Variants in CNTN4 observed in about 807,000 individuals in gnomAD.
CNTN4 encodes the protein contactin 4, also known as contactin-4.
Under a neutral mutation model 122.5 loss-of-function variants are expected in CNTN4, and 77 were observed. The ratio of observed to expected loss-of-function variants is 0.63; its 90% confidence interval spans 0.52 to 0.76. CNTN4 has a LOEUF of 0.76. Ranked by LOEUF, CNTN4 falls within the 30% of genes least tolerant of loss-of-function variation. CNTN4 has a pLI of 0.00. For synonymous variants in CNTN4, 512 were observed against 447.0 expected, an observed-to-expected ratio of 1.15 and a Z score of -1.83; for missense variants, 1,256 against 1,259.1, an observed-to-expected ratio of 1.00 and a Z score of 0.04.
chr3:2,537,988 A>G (rs928269680), intron 3 of CNTN4, among the ~76,000 whole-genome samples: 2 of 151,884 alleles, frequency 1.3e-5, no homozygotes, highest in African/African-American at 4.8e-5. Flanking sequence ...TTTTGAAGGC[A>G]TAACCCCCCT....
intron 8 of CNTN4, among the ~76,000 whole-genome samples, chr3:2,874,496 T>C (rs1033005374): frequency 1.3e-5 from 2 of 152,198 alleles, no homozygotes; most frequent in Non-Finnish European, 2.9e-5. Context: ...CGAATACTCA[T>C]TGAGTATCTG....
At chr3:2,700,815 A>G (rs1284637512) in intron 4 of CNTN4, among the ~76,000 whole-genome samples, 1 of 152,236 alleles carries the variant, frequency 6.6e-6, no homozygotes, top group Non-Finnish European at 1.5e-5. Context: ...TTTAGCAAAC[A>G]GTTTCTATCA....
At chr3:2,963,190 A>G (rs888923505) in intron 13 of CNTN4, among the ~76,000 whole-genome samples, 9 of 151,984 alleles carry the variant, frequency 5.9e-5, no homozygotes, top group Non-Finnish European at 1.3e-4. Flanking sequence ...TCATTATCAT[A>G]TCTCTTCCTG....
At chr3:2,727,120 T>C (rs1299930421) in intron 4 of CNTN4, among the ~76,000 whole-genome samples, 1 of 152,206 alleles carries the variant, frequency 6.6e-6, no homozygotes. Context: ...AATATTGGAA[T>C]TGGAATCCAA....
intron 3 of CNTN4, among the ~76,000 whole-genome samples, chr3:2,339,554 C>A (rs921531706): frequency 6.6e-6 from 1 of 152,070 alleles, no homozygotes; most frequent in Non-Finnish European, 1.5e-5. Context: ...AGTTGTTGTA[C>A]TTTTGCCAAA....
intron 5 of CNTN4, among the ~76,000 whole-genome samples, chr3:2,741,631 T>C (rs993187053): frequency 1.3e-5 from 2 of 152,158 alleles, no homozygotes; most frequent in African/African-American, 4.8e-5. Context: ...AAATACTTTG[T>C]GTAGTAAAGA....
At chr3:2,733,416 AAT>A (rs1485271625) in intron 4 of CNTN4, among the ~76,000 whole-genome samples, 5 of 152,194 alleles carry the variant, frequency 3.3e-5, no homozygotes, top group African/African-American at 1.2e-4. Context: ...CCAGTACTTA[AAT>A]ATGTTTTGAA....
At chr3:2,991,960 G>T (rs1577534896) in intron 14 of CNTN4, among the ~76,000 whole-genome samples, 1 of 152,156 alleles carries the variant, frequency 6.6e-6, no homozygotes, top group African/African-American at 2.4e-5. Flanking sequence ...AAGGTCGGGC[G>T]TCAGAACATA....
chr3:2,747,576 GAC>G (rs1244080805), intron 6 of CNTN4, among the ~76,000 whole-genome samples: 1 of 150,954 alleles, frequency 6.6e-6, no homozygotes, highest in Non-Finnish European at 1.5e-5. Context: ...CATATTCAAG[GAC>G]AGTCATTTAC....
chr3:2,428,168 G>C (rs1260822200), intron 3 of CNTN4, among the ~76,000 whole-genome samples: 2 of 152,146 alleles, frequency 1.3e-5, no homozygotes, highest in Non-Finnish European at 2.9e-5. Flanking sequence ...TCCTAGCCTC[G>C]ATGGTCTTTA....
At chr3:2,335,789 CAT>C (rs1418275479) in intron 2 of CNTN4, among the ~76,000 whole-genome samples, 1 of 152,090 alleles carries the variant, frequency 6.6e-6, no homozygotes, top group African/African-American at 2.4e-5. Context: ...AACTTCTCAA[CAT>C]CAACTGAGGT....
chr3:2,717,997 T>A (rs996492610), intron 4 of CNTN4, among the ~76,000 whole-genome samples: 1 of 152,178 alleles, frequency 6.6e-6, no homozygotes, highest in Non-Finnish European at 1.5e-5. Context: ...CCTTTACCTA[T>A]TTTTTAAATT....
chr3:2,483,200 C>A (rs1213954413), intron 3 of CNTN4, among the ~76,000 whole-genome samples: 1 of 152,162 alleles, frequency 6.6e-6, no homozygotes, highest in Non-Finnish European at 1.5e-5. Flanking sequence ...TAAAGGAGAT[C>A]ATTTTGGAGC....
chr3:2,577,339 AATAG>A (rs1182954263), intron 4 of CNTN4, among the ~76,000 whole-genome samples: 1 of 152,184 alleles, frequency 6.6e-6, no homozygotes, highest in Non-Finnish European at 1.5e-5. Context: ...TGTATGTATT[AATAG>A]ATCTATATAT....
intron 13 of CNTN4, among the ~76,000 whole-genome samples, chr3:2,955,039 C>T (rs2094784623): frequency 6.6e-6 from 1 of 152,104 alleles, no homozygotes; most frequent in South Asian, 2.1e-4. Flanking sequence ...GGTTATCTGG[C>T]AGCGCAACCT....
At chr3:2,721,129 A>G (rs979066677) in intron 4 of CNTN4, among the ~76,000 whole-genome samples, 1 of 151,890 alleles carries the variant, frequency 6.6e-6, no homozygotes, top group Admixed American at 6.6e-5. Context: ...GTGCCACCAC[A>G]CCTGGCTAAT....
intron 14 of CNTN4, among the ~76,000 whole-genome samples, chr3:3,018,184 T>C (rs1383992334): frequency 2.0e-5 from 3 of 152,248 alleles, no homozygotes; most frequent in African/African-American, 4.8e-5. Context: ...TTTTAAGTAA[T>C]GTCTTGCTCC....
chr3:2,825,146 C>T (rs2150318361), intron 7 of CNTN4, among the ~76,000 whole-genome samples: 1 of 152,088 alleles, frequency 6.6e-6, no homozygotes, highest in Admixed American at 6.5e-5. Context: ...TTTGTGAGGC[C>T]AAGGTAGGAG....
rs776318854 is a variant in CNTN4, at chr3:3,042,992, C to T, written c.2527C>T (p.His843Tyr). 6.2e-7 allele frequency: 1 copy of T among 1,613,638 alleles called. No individual in the cohort carries two copies. The highest frequency in any genetic ancestry group is 8.5e-7 in the Non-Finnish European group (1 of 1,179,606). ...ATCTTCTTAGGTTAAATATTGGAGA[C>T]ATGAAGACAAAGAAGAAAATGCTAG... ...IQGYEVKYWR[H>Y]EDKEENARKI... Residue 843 changes from histidine (H) to tyrosine (Y), a missense_variant, in exon 22 of 25, where the codon CAT becomes TAT. Coordinates refer to ENST00000418658, the MANE Select transcript of CNTN4 (RefSeq NM_175607.3).
Sources: gnomAD v4.1 joint callset for allele counts (sites outside exome capture counted in the v4.1 genomes callset) on GRCh38, gnomAD v4.1.1 for gene constraint, MANE v1.5 for transcripts, NCBI Gene and HGNC (gene_info 2026-07-23, HGNC 2026-07-21) for gene names.